Variants in CFAP20DC observed in about 807,000 individuals in gnomAD.
CFAP20DC encodes CFAP20 domain containing.
A neutral mutation model predicts 101.7 loss-of-function variants in CFAP20DC; 84 were observed. The observed-to-expected ratio is 0.83, with a 90% CI of 0.69 to 0.99. The LOEUF (loss-of-function observed/expected upper bound fraction) is 0.99, where lower values mean the gene tolerates loss of function less well. CFAP20DC is among the 50% of genes least tolerant of loss of function. CFAP20DC has a pLI of 0.00. For missense variants in CFAP20DC, 1,007 were observed against 970.3 expected (o/e 1.04, Z -0.50); for synonymous variants, 359 against 351.2 (o/e 1.02, Z -0.25).
At chr3:58,852,224 C>G (rs2078312717) in intron 12 of CFAP20DC, among the ~76,000 whole-genome samples, 1 of 152,008 alleles carries the variant, frequency 6.6e-6, no homozygotes, top group Admixed American at 6.6e-5. Context: ...GATCTTGATC[C>G]CACTTGTTTA....
chr3:58,775,849 G>A (rs2071290029), intron 15 of CFAP20DC, among the ~76,000 whole-genome samples: 1 of 151,124 alleles, frequency 6.6e-6, no homozygotes, highest in South Asian at 2.1e-4. Flanking sequence ...GGGTTCAAGC[G>A]ATTCTCCTGC....
At chr3:58,883,600 T>A (rs1022587402) in intron 7 of CFAP20DC, among the ~76,000 whole-genome samples, 15 of 152,154 alleles carry the variant, frequency 9.9e-5, no homozygotes, top group African/African-American at 3.4e-4. Context: ...TATATAAGTA[T>A]AGGTTGGATA....
intron 4 of CFAP20DC, among the ~76,000 whole-genome samples, chr3:58,961,527 C>A (rs2108234463): frequency 6.6e-6 from 1 of 152,218 alleles, no homozygotes; most frequent in Admixed American, 6.5e-5. Flanking sequence ...GCACTCCAGC[C>A]TGGGCAACAA....
At chr3:58,741,980 T>C (rs1304982256), downstream of CFAP20DC, 1 of 641,034 alleles carries the variant, frequency 1.6e-6, no homozygotes, top group Non-Finnish European at 1.9e-6. Context: ...GAAAGTGGGG[T>C]GAATGAAAAG....
chr3:58,931,951 GGC>G (rs1285772435), intron 5 of CFAP20DC, among the ~76,000 whole-genome samples: 2 of 152,226 alleles, frequency 1.3e-5, no homozygotes, highest in Admixed American at 1.3e-4. Flanking sequence ...TGAGGAAGAA[GGC>G]TTCAGATGAT....
At chr3:59,011,437 C>T (rs936074083) in intron 4 of CFAP20DC, among the ~76,000 whole-genome samples, 1 of 149,034 alleles carries the variant, frequency 6.7e-6, no homozygotes, top group Non-Finnish European at 1.5e-5. Context: ...AACAGAACAA[C>T]AGACAATATA....
At chr3:58,941,975 T>C (rs561951475) in intron 4 of CFAP20DC, among the ~76,000 whole-genome samples, 84 of 152,360 alleles carry the variant, frequency 5.5e-4, no homozygotes, top group Admixed American at 1.6e-3. Context: ...GTGTTCATTA[T>C]GACCTTATTA....
chr3:58,991,143 T>C (rs2092924327), intron 4 of CFAP20DC, among the ~76,000 whole-genome samples: 1 of 152,210 alleles, frequency 6.6e-6, no homozygotes, highest in African/African-American at 2.4e-5. Context: ...CAGTATGTCT[T>C]TTTTCAAAGG....
chr3:58,912,755 T>C lies in CFAP20DC; in HGVS notation c.550+953A>G. ...GGAGCTGAGTTACCTGCAGAGTATA[T>C]TTATAAATCAAATTATGAACAATTA... On this transcript the variant is annotated intron_variant, in intron 6 of 16. Coordinates refer to ENST00000482387, the MANE Select transcript of CFAP20DC (RefSeq NM_001394063.1). The surrounding 1 kb of genome is among the most constrained non-coding windows in gnomAD (Gnocchi z 4.4). The C allele has an allele frequency of 2.2e-6, 1 of 456,286 alleles. No individual in the cohort carries two copies. 28.3% of individuals were successfully genotyped at this position (456,286 alleles called of 1,614,324 possible). A position where few individuals can be genotyped will look rare whatever the true frequency, so the allele number is the denominator to read the frequency against.
chr3:58,893,918 C>T (rs1032713342), intron 6 of CFAP20DC, among the ~76,000 whole-genome samples: 1 of 152,072 alleles, frequency 6.6e-6, no homozygotes, highest in Non-Finnish European at 1.5e-5. Flanking sequence ...AGAGGCCTCA[C>T]AATCATGGTG....
intron 4 of CFAP20DC, among the ~76,000 whole-genome samples, chr3:58,946,574 C>T (rs1156397041): frequency 6.6e-6 from 1 of 152,018 alleles, no homozygotes; most frequent in Non-Finnish European, 1.5e-5. Flanking sequence ...AAATTCTGAC[C>T]CTTATCCACT....
chr3:58,941,807 C>T (rs180861049), intron 4 of CFAP20DC, among the ~76,000 whole-genome samples: 257 of 152,238 alleles, frequency 1.7e-3, no homozygotes, highest in Non-Finnish European at 2.6e-3. Flanking sequence ...CCGCCCGCCT[C>T]GGCCTCCCAA....
In CFAP20DC at chr3:58,717,981, C is replaced by T. The variant is rs1238484345; in HGVS notation, c.198-353G>A. Among the ~76,000 whole-genome samples the T allele has an allele frequency of 6.6e-6, 1 of 152,172 alleles. No individual in the cohort carries two copies. The highest frequency in any genetic ancestry group is 2.4e-5 in the African/African-American group (1 of 41,448). Reference sequence around the variant, plus strand: ...CAAAAGCTTATGATTTTTACCATTCCCATTTGGATAAGCTATGGAGAAATT... The same window carrying T: ...CAAAAGCTTATGATTTTTACCATTCTCATTTGGATAAGCTATGGAGAAATT... On this transcript the variant is annotated intron_variant, in intron 3 of 3. Transcript: ENST00000486145. The surrounding 1 kb of genome is among the most constrained non-coding windows in gnomAD (Gnocchi z 4.1).
intron 15 of CFAP20DC, among the ~76,000 whole-genome samples, chr3:58,772,200 A>AT (rs2070912242): frequency 6.6e-6 from 1 of 152,134 alleles, no homozygotes; most frequent in African/African-American, 2.4e-5. Flanking sequence ...ATTTTAGATT[A>AT]TTTTTATGTG....
At chr3:58,761,226 C>A (rs942252203) in intron 15 of CFAP20DC, among the ~76,000 whole-genome samples, 1 of 152,134 alleles carries the variant, frequency 6.6e-6, no homozygotes, top group Admixed American at 6.5e-5. Context: ...TGTCATTGGT[C>A]TATTCAGAGA....
In CFAP20DC at chr3:58,892,744, C is replaced by T. The variant is rs540698476; in HGVS notation, c.551-8035G>A. On this transcript the variant is annotated intron_variant, in intron 6 of 16. Transcript: ENST00000482387. This position sits in a 1 kb window ranked among gnomAD's most constrained non-coding sequence, Gnocchi z 4.0. ...TAAAAAGCTTTAGGCTGAGATGATG[C>T]GGTTTTCTAGATATAGGATCATGTC... Among the ~76,000 whole-genome samples, 19 of 152,230 alleles carry T rather than the reference C, an allele frequency of 1.2e-4. No individual in the cohort carries two copies. The East Asian group carries it at 1.7e-3, about 14-fold the overall frequency.
chr3:58,792,143 A>G (rs2107640162), intron 15 of CFAP20DC, among the ~76,000 whole-genome samples: 1 of 152,344 alleles, frequency 6.6e-6, no homozygotes, highest in South Asian at 2.1e-4. Flanking sequence ...ATTTACCCCA[A>G]GTTGAGAGAA....
chr3:59,028,698 T>G lies in CFAP20DC; in HGVS notation c.278+10859A>C, dbSNP rs144100245. On this transcript the variant is annotated intron_variant, in intron 4 of 16. Transcript: ENST00000482387. ...GCAAGTTCCTTATCCTTTCTAGGTTTCAGTTCCCTCAAATAATAAAACAGA... is the reference window on the plus strand; with the variant it reads ...GCAAGTTCCTTATCCTTTCTAGGTTGCAGTTCCCTCAAATAATAAAACAGA... Among the ~76,000 whole-genome samples, 91 of 152,328 alleles carry G rather than the reference T, an allele frequency of 6.0e-4. 1 individual carries two copies. Among genetic ancestry groups the G allele is most frequent in the African/African-American group, 2.0e-3 (85 of 41,572 alleles).
downstream of CFAP20DC, among the ~76,000 whole-genome samples, chr3:58,737,942 A>G (rs1368824158): frequency 6.6e-6 from 1 of 152,186 alleles, no homozygotes; most frequent in Non-Finnish European, 1.5e-5. The surrounding 1 kb of genome is among the most constrained non-coding windows in gnomAD (Gnocchi z 4.1). Context: ...GGACTTCTCA[A>G]TCTGAATCTC....
Sources: gnomAD v4.1 joint callset for allele counts (sites outside exome capture counted in the v4.1 genomes callset) on GRCh38, gnomAD v4.1.1 for gene constraint, Gnocchi (gnomAD v3.1) non-coding constraint, MANE v1.5 for transcripts, NCBI Gene and HGNC (gene_info 2026-07-23, HGNC 2026-07-21) for gene names.